Variants in MARCHF11 observed in about 807,000 individuals in gnomAD.
MARCHF11 encodes the protein membrane associated ring-CH-type finger 11.
MARCHF11 carries 29 observed loss-of-function variants against 37.3 expected under a neutral mutation model. The ratio of observed to expected loss-of-function variants is 0.78; its 90% CI spans 0.58 to 1.06. The LOEUF (loss-of-function observed/expected upper bound fraction) is 1.06, where lower values mean the gene tolerates loss of function less well. MARCHF11 is among the 50% of genes least tolerant of loss of function. MARCHF11 has a pLI of 0.00. For missense variants in MARCHF11, 482 were observed against 533.4 expected, an observed-to-expected ratio of 0.90 and a Z score of 0.95; for synonymous variants, 233 against 228.0, an observed-to-expected ratio of 1.02 and a Z score of -0.20.
intron 2 of MARCHF11, among the ~76,000 whole-genome samples, chr5:16,122,201 T>G (rs1449311626): frequency 1.3e-5 from 2 of 152,148 alleles, no homozygotes; most frequent in Non-Finnish European, 2.9e-5. Context: ...GAAGGAAACT[T>G]CTGGGCCTTG....
chr5:16,113,363 A>C (rs1259982202), intron 2 of MARCHF11, among the ~76,000 whole-genome samples: 1 of 152,204 alleles, frequency 6.6e-6, no homozygotes, highest in Non-Finnish European at 1.5e-5. Context: ...ACCATAATTA[A>C]TATTGACTAG....
intron 3 of MARCHF11, among the ~76,000 whole-genome samples, chr5:16,073,120 G>A (rs1016965474): frequency 6.6e-6 from 1 of 152,134 alleles, no homozygotes; most frequent in Non-Finnish European, 1.5e-5. Context: ...GTGTGCACAG[G>A]AAGCAAATGA....
Position 16,067,567 on chromosome 5 carries a change from A to T in MARCHF11, c.1113T>A (p.Tyr371Ter), listed in dbSNP as rs1263736873. 7 of 1,613,984 alleles carry T rather than the reference A, an allele frequency of 4.3e-6. No homozygotes were observed. Among genetic ancestry groups the T allele is most frequent in the Non-Finnish European group, 5.9e-6 (7 of 1,179,862 alleles). Residue 371 changes from tyrosine (Y) to a stop codon, truncating the protein, a stop_gained, in exon 4 of 4, where the codon TAT (tyrosine) becomes TAA (stop). Transcript: ENST00000332432. LOFTEE classifies it high-confidence loss of function. ...TCCGATTGAACAGGTGCAATAACAC[A>T]TAGCCACACTGAAACCTTGGTGAGG... ...QLTSPRFQCGYVLLHLFNRMR... is the reference protein window; with the variant it reads ...QLTSPRFQCG
intron 2 of MARCHF11, among the ~76,000 whole-genome samples, chr5:16,104,491 T>C (rs1737004939): frequency 6.6e-6 from 1 of 152,184 alleles, no homozygotes; most frequent in African/African-American, 2.4e-5. Flanking sequence ...TCAATAAAGC[T>C]ATTTTTAAGG....
chr5:16,117,441 C>CTTTGCACT (rs1262657921), intron 2 of MARCHF11, among the ~76,000 whole-genome samples: 2 of 152,202 alleles, frequency 1.3e-5, no homozygotes, highest in Non-Finnish European at 2.9e-5. Flanking sequence ...CAGCTTCCTT[C>CTTTGCACT]TTTGCACTCC....
At chr5:16,138,689 C>T (rs746285254) in intron 2 of MARCHF11, among the ~76,000 whole-genome samples, 8 of 152,216 alleles carry the variant, frequency 5.3e-5, no homozygotes, top group Non-Finnish European at 1.2e-4. Context: ...AGGATAGGGG[C>T]TGTACCCTGC....
chr5:16,177,587 A>C (rs907527682), intron 2 of MARCHF11, 139 bp downstream of exon 2: 18 of 622,970 alleles, frequency 2.9e-5, no homozygotes, highest in Non-Finnish European at 4.8e-6. Context: ...ATGTTTACAA[A>C]TTCTAAATCT....
chr5:16,091,382 T>C (rs185806500), intron 2 of MARCHF11, among the ~76,000 whole-genome samples: 166 of 152,358 alleles, frequency 1.1e-3, no homozygotes, highest in African/African-American at 3.7e-3. Flanking sequence ...GGAAATCACA[T>C]TATTATCTTT....
chr5:16,127,737 G>C (rs1737437693), intron 2 of MARCHF11, among the ~76,000 whole-genome samples: 2 of 152,200 alleles, frequency 1.3e-5, no homozygotes, highest in Non-Finnish European at 2.9e-5. Flanking sequence ...TGTTGTAGGA[G>C]AGAAGAGGGG....
chr5:16,099,376 C>G (rs1434844703), intron 2 of MARCHF11, among the ~76,000 whole-genome samples: 1 of 152,052 alleles, frequency 6.6e-6, no homozygotes, highest in Admixed American at 6.5e-5. Flanking sequence ...AAAAGGGTTC[C>G]TCAACTGTTT....
At chr5:16,177,004 G>C (rs1738375618) in intron 2 of MARCHF11, among the ~76,000 whole-genome samples, 1 of 152,124 alleles carries the variant, frequency 6.6e-6, no homozygotes, top group South Asian at 2.1e-4. Context: ...CAAAGAACCT[G>C]AATCTGTTTC....
At chr5:16,137,151 C>T (rs1737622625) in intron 2 of MARCHF11, among the ~76,000 whole-genome samples, 1 of 152,114 alleles carries the variant, frequency 6.6e-6, no homozygotes, top group Non-Finnish European at 1.5e-5. Context: ...AGATTGGCTC[C>T]CCAAGGGTGA....
chr5:16,087,322 C>A (rs188782369), intron 3 of MARCHF11, among the ~76,000 whole-genome samples: 13 of 152,334 alleles, frequency 8.5e-5, no homozygotes, highest in Admixed American at 2.0e-4. Context: ...CATACTTTAA[C>A]ACCCTTCTCT....
intron 2 of MARCHF11, among the ~76,000 whole-genome samples, chr5:16,115,494 T>A (rs533441226): frequency 6.6e-6 from 1 of 152,244 alleles, no homozygotes; most frequent in Admixed American, 6.5e-5. Flanking sequence ...GGATAATTTT[T>A]ATTTTAGCGT....
chr5:16,069,021 G>A (rs1736394146), intron 3 of MARCHF11, among the ~76,000 whole-genome samples: 1 of 152,196 alleles, frequency 6.6e-6, no homozygotes, highest in Admixed American at 6.5e-5. Context: ...GAACAAGGAA[G>A]TAAGTTAAAA....
intron 2 of MARCHF11, among the ~76,000 whole-genome samples, chr5:16,131,405 G>C (rs1318097475): frequency 6.6e-6 from 1 of 152,086 alleles, no homozygotes; most frequent in African/African-American, 2.4e-5. Context: ...AATCCATTTT[G>C]AACTAGAATA....
intron 2 of MARCHF11, among the ~76,000 whole-genome samples, chr5:16,101,085 GAA>G (rs903602752): frequency 9.9e-5 from 15 of 151,264 alleles, no homozygotes; most frequent in Admixed American, 9.9e-4. Context: ...AAAAAAAAAA[GAA>G]TATTTATTCC....
At chr5:16,145,832 T>C (rs535429888) in intron 2 of MARCHF11, among the ~76,000 whole-genome samples, 1 of 152,302 alleles carries the variant, frequency 6.6e-6, no homozygotes, top group South Asian at 2.1e-4. Flanking sequence ...CAAATGGGTG[T>C]CCTGGTAGTA....
At chr5:16,125,674 T>C (rs1737394261) in intron 2 of MARCHF11, among the ~76,000 whole-genome samples, 1 of 150,140 alleles carries the variant, frequency 6.7e-6, no homozygotes, top group South Asian at 2.1e-4. Context: ...TGTGTGTTCA[T>C]ATTGACCACT....
Sources: allele counts gnomAD v4.1 joint callset (sites outside exome capture counted in the v4.1 genomes callset), GRCh38; gene constraint gnomAD v4.1.1; transcripts MANE v1.5; gene names NCBI Gene and HGNC (gene_info 2026-07-23, HGNC 2026-07-21).